ZZZ3: variants seen among roughly 807,000 people sequenced by gnomAD.
ZZZ3 encodes ZZ-type zinc finger-containing protein 3.
ZZZ3 carries 22 observed loss-of-function variants against 95.2 expected under a neutral mutation model. The ratio of observed to expected loss-of-function variants is 0.23; its 90% CI spans 0.17 to 0.33. The LOEUF is 0.33. Among genes scored for constraint, ZZZ3 ranks in the 10% least tolerant of loss-of-function variants. The pLI is 1.00. For synonymous variants in ZZZ3, 335 were observed against 358.9 expected, an observed-to-expected ratio of 0.93 and a Z score of 0.75; for missense variants, 885 against 1,066.5, an observed-to-expected ratio of 0.83 and a Z score of 2.37.
chr1:77,633,053 A>T lies in ZZZ3; in HGVS notation c.302T>A (p.Ile101Lys). 1 of 1,613,906 alleles carries T rather than the reference A, an allele frequency of 6.2e-7. No individual in the cohort carries two copies. The highest frequency in any genetic ancestry group is 1.1e-5 in the South Asian group (1 of 91,090). Residue 101 changes from isoleucine (I) to lysine (K), a missense_variant, in exon 5 of 15, where the codon ATA becomes AAA. By Grantham distance (102) the Ile-to-Lys change is moderately radical. Around this residue, in one of 5 missense-constraint regions of ZZZ3, gnomAD observed 556 missense variants for 652.9 expected, o/e 0.85. Transcript: ENST00000370801. Reference sequence around the variant, plus strand: ...TGTTTGCCTTCTCTCACAATTTTCTATAGCCTGCCTTTCTATGTTATCCTT... The same window carrying T: ...TGTTTGCCTTCTCTCACAATTTTCTTTAGCCTGCCTTTCTATGTTATCCTT... ...SEKDNIERQA[I>K]ENCERRQTEP...
intron 5 of ZZZ3, among the ~76,000 whole-genome samples, chr1:77,620,269 C>G (rs6657290): frequency 0.63 from 95,989 of 151,984 alleles, 31,801 homozygotes; most frequent in Non-Finnish European, 0.74. Flanking sequence ...ATAGAATGTA[C>G]AGTGAGAGGC....
intron 6 of ZZZ3, among the ~76,000 whole-genome samples, chr1:77,584,042 G>A (rs1051412574): frequency 5.3e-5 from 8 of 152,138 alleles, no homozygotes; most frequent in South Asian, 2.1e-4. Flanking sequence ...CTTGGCTATC[G>A]TAACTCTAAA....
chr1:77,631,915 C>T lies in ZZZ3; in HGVS notation c.1440G>A (p.Glu480=). The change falls in exon 5 of 15, where the codon GAG becomes GAA. Residue 480 remains glutamate, a synonymous_variant. Coordinates refer to ENST00000370801, the MANE Select transcript of ZZZ3 (RefSeq NM_015534.6). ...KESASQHITE[E]EDDDPDVYYF... is the part of the protein sequence containing the mutation. ...AATAAACATCAGGATCATCATCTTC[C>T]TCTTCTGTAATGTGCTGACTGGCAC... The T allele has an allele frequency of 1.2e-6, 2 of 1,613,416 alleles. No individual in the cohort carries two copies. The highest frequency in any genetic ancestry group is 1.7e-6 in the Non-Finnish European group (2 of 1,179,694).
chr1:77,649,772 C>G (rs983619753), intron 1 of ZZZ3, among the ~76,000 whole-genome samples: 6 of 151,802 alleles, frequency 4.0e-5, no homozygotes, highest in Non-Finnish European at 7.4e-5. Context: ...ATACCAGCTA[C>G]TCGGGAGGCT....
intron 1 of ZZZ3, among the ~76,000 whole-genome samples, chr1:77,659,241 A>T (rs1417885037): frequency 6.6e-6 from 1 of 152,184 alleles, no homozygotes; most frequent in Admixed American, 6.5e-5. Flanking sequence ...GGCTTTACTA[A>T]TTTGCTATCA....
intron 12 of ZZZ3, among the ~76,000 whole-genome samples, chr1:77,575,384 C>G (rs1661825758): frequency 6.6e-6 from 1 of 152,130 alleles, no homozygotes; most frequent in African/African-American, 2.4e-5. Flanking sequence ...TGATCAGTGG[C>G]TGTTATGCCA....
intron 5 of ZZZ3, among the ~76,000 whole-genome samples, chr1:77,588,052 T>G (rs190617327): frequency 7.8e-4 from 119 of 152,344 alleles, no homozygotes; most frequent in African/African-American, 2.7e-3. Flanking sequence ...TAGTAAAGCT[T>G]CTGGGTCAAC....
chr1:77,641,231 A>G, intron 3 of ZZZ3, 153 bp downstream of exon 3: 1 of 242,648 alleles, frequency 4.1e-6, no homozygotes, highest in Non-Finnish European at 7.8e-6. Context: ...ATCTCTGAGC[A>G]TACTGGAATG....
intron 12 of ZZZ3, among the ~76,000 whole-genome samples, chr1:77,570,222 C>A (rs188837151): frequency 1.3e-5 from 2 of 152,206 alleles, no homozygotes; most frequent in African/African-American, 4.8e-5. Flanking sequence ...CCTGCCCCAG[C>A]CTCCCAAGTA....
At chr1:77,586,543 C>G (rs144686737) in intron 5 of ZZZ3, among the ~76,000 whole-genome samples, 37 of 152,186 alleles carry the variant, frequency 2.4e-4, no homozygotes, top group Middle Eastern at 6.8e-3. Flanking sequence ...TTGAAGCCAA[C>G]AAATTACCAC....
intron 5 of ZZZ3, among the ~76,000 whole-genome samples, chr1:77,621,226 C>G (rs1666820917): frequency 6.6e-6 from 1 of 152,006 alleles, no homozygotes; most frequent in African/African-American, 2.4e-5. Context: ...GGCACAGTGG[C>G]TCGTAACTGT....
intron 5 of ZZZ3, among the ~76,000 whole-genome samples, chr1:77,593,755 A>G (rs1250525781): frequency 1.3e-5 from 2 of 152,136 alleles, no homozygotes; most frequent in African/African-American, 4.8e-5. Flanking sequence ...ATTTTTTTTA[A>G]GGGAAAATAA....
chr1:77,669,710 A>G (rs1671576275), intron 1 of ZZZ3, among the ~76,000 whole-genome samples: 1 of 151,972 alleles, frequency 6.6e-6, no homozygotes, highest in African/African-American at 2.4e-5. Flanking sequence ...CACCCACTTC[A>G]GCCTCCCAAA....
At chr1:77,613,816 T>C (rs1270275629) in intron 5 of ZZZ3, among the ~76,000 whole-genome samples, 1 of 152,130 alleles carries the variant, frequency 6.6e-6, no homozygotes, top group Non-Finnish European at 1.5e-5. Context: ...GTCGAATATA[T>C]ATTAAAATTT....
chr1:77,580,610 A>G (rs1662405669), intron 9 of ZZZ3: 1 of 160,374 alleles, frequency 6.2e-6, no homozygotes, highest in Admixed American at 6.2e-5. Context: ...ACATACAACA[A>G]TATACACCTG....
chr1:77,592,700 C>T (rs12126604), intron 5 of ZZZ3, among the ~76,000 whole-genome samples: 10,731 of 152,080 alleles, frequency 0.071, 506 homozygotes, highest in Middle Eastern at 0.11. Context: ...TAGGAAACTA[C>T]AAAAATTGAG....
intron 12 of ZZZ3, among the ~76,000 whole-genome samples, chr1:77,574,800 T>C (rs557698291): frequency 9.2e-5 from 14 of 152,264 alleles, no homozygotes; most frequent in African/African-American, 3.1e-4. Context: ...ATTAAATACA[T>C]TTAGGGCCAA....
intron 12 of ZZZ3, among the ~76,000 whole-genome samples, chr1:77,574,187 TATATC>T (rs545628218): frequency 2.5e-3 from 371 of 148,462 alleles, no homozygotes; most frequent in African/African-American, 8.6e-3. Context: ...TTTATATAGA[TATATC>T]TATATATATG....
rs746518611 is a variant in ZZZ3 at position 77,632,733 on chromosome 1, T to C, written c.622A>G (p.Ser208Gly). 11 of 1,614,238 alleles carry C rather than the reference T, an allele frequency of 6.8e-6. No individual in the cohort carries two copies. The South Asian group carries it at 1.1e-4, about 16-fold the overall frequency. ...GYLAVNGVDD[S>G]DSAVINCDDC... The stretch of plus-strand genomic sequence containing the variant: ...TCACAGTTTATAACAGCTGAATCAC[T>C]GTCATCAACACCATTGACAGCCAAA... The change falls in exon 5 of 15, where the codon AGT becomes GGT. Residue 208 changes from serine (S) to glycine (G), a missense_variant. Around this residue, in one of 5 missense-constraint regions of ZZZ3, gnomAD observed 556 missense variants for 652.9 expected, o/e 0.85. Transcript: ENST00000370801.
Sources: gnomAD v4.1 joint callset for allele counts (sites outside exome capture counted in the v4.1 genomes callset) on GRCh38, gnomAD v4.1.1 for gene constraint, gnomAD v4.1.1 regional missense constraint, MANE v1.5 for transcripts, NCBI Gene and HGNC (gene_info 2026-07-23, HGNC 2026-07-21) for gene names.